EIF2AK2: variants seen among roughly 807,000 people sequenced by gnomAD.
EIF2AK2 encodes interferon-induced, double-stranded RNA-activated protein kinase.
Under a neutral mutation model 70.5 loss-of-function variants are expected in EIF2AK2, and 40 were observed. That is an observed-to-expected ratio of 0.57 (90% confidence interval 0.44 to 0.74). The LOEUF (loss-of-function observed/expected upper bound fraction) is 0.74. EIF2AK2 is among the 30% of genes least tolerant of loss of function. The pLI, the probability that EIF2AK2 is intolerant of heterozygous loss-of-function variation, is 0.00. For synonymous variants in EIF2AK2, 198 were observed against 220.9 expected (o/e 0.90, Z 0.92); for missense variants, 555 against 644.3 (o/e 0.86, Z 1.50).
rs767074260 is a variant in EIF2AK2 at position 37,126,385 on chromosome 2, T to C, written c.812A>G (p.Glu271Gly). 4 of 1,609,156 alleles carry C rather than the reference T, an allele frequency of 2.5e-6. No homozygotes were observed. The change falls in exon 11 of 17, where the codon GAA becomes GGA. Residue 271 changes from glutamate (E) to glycine (G), a missense_variant. By Grantham distance (98) the Glu-to-Gly change is moderately conservative. This residue lies in a region of EIF2AK2 where 299 missense variants were observed against 375.4 expected (regional missense o/e 0.80). Coordinates refer to ENST00000233057, the MANE Select transcript of EIF2AK2 (RefSeq NM_001135651.3). ...KRFGMDFKEI[E>G]LIGSGGFGQV... is the part of the protein sequence containing the mutation. ...GCCAAATCCACCTGAGCCAATTAAT[T>C]CTATTTCTTTAAAATCCATGCCAAA... is the stretch of plus-strand genomic sequence containing the variant.
rs187030190 is a variant in EIF2AK2, at chr2:37,144,931, G to C, written c.240+1922C>G. On this transcript the variant is annotated intron_variant, in intron 4 of 16. Coordinates refer to ENST00000233057, the MANE Select transcript of EIF2AK2 (RefSeq NM_001135651.3). ...AGACAGGGTCTCACTCTGTCACCCA[G>C]GCTGGAGTACAGTGGCACAATCATG... is the stretch of plus-strand genomic sequence containing the variant. Among the ~76,000 whole-genome samples, 633 of 152,044 alleles carry C rather than the reference G, an allele frequency of 4.2e-3. 6 individuals are homozygous for C. The highest frequency in any genetic ancestry group is 0.015 in the African/African-American group (604 of 41,454).
chr2:37,141,926 T>C (rs1660608797), intron 4 of EIF2AK2, among the ~76,000 whole-genome samples: 1 of 152,226 alleles, frequency 6.6e-6, no homozygotes, highest in Admixed American at 6.5e-5. Context: ...AGTCACTTTT[T>C]CTTGTTTGTC....
rs946631794 is a variant in EIF2AK2 at position 37,105,401 on chromosome 2, A to C, written c.*1872T>G. The C allele has an allele frequency of 6.6e-6, 1 of 152,192 alleles. No homozygotes were observed. Among genetic ancestry groups the C allele is most frequent in the African/African-American group, 2.4e-5 (1 of 41,408 alleles). 9.4% of individuals were successfully genotyped at this position (152,192 alleles called of 1,614,324 possible). A position where few individuals can be genotyped will look rare whatever the true frequency, so the allele number is the denominator to read the frequency against. ...GAGTTCTCAATCTATTAGTTCCCTCAAGAGCCGGTTATTTAAAAAGAGCCT... is the reference window on the plus strand; with the variant it reads ...GAGTTCTCAATCTATTAGTTCCCTCCAGAGCCGGTTATTTAAAAAGAGCCT... On this transcript the variant is annotated 3_prime_UTR_variant, in exon 17 of 17. Coordinates refer to ENST00000233057, the MANE Select transcript of EIF2AK2 (RefSeq NM_001135651.3).
intron 1 of EIF2AK2, among the ~76,000 whole-genome samples, chr2:37,152,383 G>C (rs1675773945): frequency 6.6e-6 from 1 of 152,120 alleles, no homozygotes; most frequent in South Asian, 2.1e-4. Flanking sequence ...CCAGGTTCAA[G>C]CAATTTTCCT....
intron 4 of EIF2AK2, 145 bp downstream of exon 4, chr2:37,146,708 A>G: frequency 4.1e-6 from 4 of 982,892 alleles, no homozygotes; most frequent in Non-Finnish European, 5.9e-6. Context: ...ATAGAAATGA[A>G]GATAGGGTGA....
chr2:37,150,500 T>C (rs1675704820), intron 1 of EIF2AK2, among the ~76,000 whole-genome samples: 1 of 152,196 alleles, frequency 6.6e-6, no homozygotes, highest in Non-Finnish European at 1.5e-5. Context: ...TTAAAGGTCA[T>C]GGAACAATCA....
At position 37,107,089 on chromosome 2, in the gene EIF2AK2, TA is replaced by T; in HGVS notation, c.*183del. 1.4e-6 allele frequency: 1 copy of T among 730,360 alleles called. No homozygotes were observed. Among genetic ancestry groups the T allele is most frequent in the Non-Finnish European group, 2.0e-6 (1 of 507,812 alleles). The allele number at this position is 730,360 out of a possible 1,614,324, so 45.2% of individuals were successfully genotyped here. A position where few individuals can be genotyped will look rare whatever the true frequency, so the allele number is the denominator to read the frequency against. ...AGATGAGCCAGGAAAAAGTAAAATGTAAGAATGTTTTTGAAGCAAAAAGAAG... is the reference window on the plus strand; with the variant it reads ...AGATGAGCCAGGAAAAAGTAAAATGTAGAATGTTTTTGAAGCAAAAAGAAG... On this transcript the variant is annotated 3_prime_UTR_variant, in exon 17 of 17. Transcript: ENST00000233057.
Position 37,102,646 on chromosome 2 carries a change from G to A in EIF2AK2, c.*4627C>T, listed in dbSNP as rs1252094539. 1 of 152,102 alleles carries A rather than the reference G, an allele frequency of 6.6e-6. No homozygotes were observed. The highest frequency in any genetic ancestry group is 1.5e-5 in the Non-Finnish European group (1 of 68,034). The allele number at this position is 152,102 out of a possible 1,614,324, so 9.4% of individuals were successfully genotyped here. ...ACACATATGTGCACACACACAGGAT[G>A]GCTTCATGGACATGCAACCTGTGCA... On this transcript the variant is annotated 3_prime_UTR_variant, in exon 17 of 17. Transcript: ENST00000233057.
chr2:37,135,525 G>A lies in EIF2AK2; in HGVS notation c.744C>T (p.Asp248=), dbSNP rs1675097300. 2 of 1,609,772 alleles carry A rather than the reference G, an allele frequency of 1.2e-6. No individual in the cohort carries two copies. The highest frequency in any genetic ancestry group is 1.3e-5 in the African/African-American group (1 of 74,640). ...KAKRSLAPRF[D]LPDMKETKYT... is the part of the protein sequence containing the mutation. ...ACTTTGTTTCTTTCATGTCAGGAAG[G>A]TCAAATCTGGGTGCCAAAGATCTAA... The change falls in exon 10 of 17, where the codon GAC becomes GAT. Residue 248 remains aspartate (D), a synonymous_variant. Transcript: ENST00000233057.
Position 37,120,153 on chromosome 2 carries a change from TC to T in EIF2AK2, c.1068-15del. On this transcript the variant is annotated splice_polypyrimidine_tract_variant and intron_variant, in intron 12 of 16. Transcript: ENST00000233057. ...TTAGTCTTTGACCTGGGTATAAAAT[TC>T]ACAGTATGTTAAAAGTAACAATAAA... 1 of 1,379,238 alleles carries T rather than the reference TC, an allele frequency of 7.3e-7. No individual in the cohort carries two copies. The highest frequency in any genetic ancestry group is 9.4e-7 in the Non-Finnish European group (1 of 1,058,870). 85.4% of individuals were successfully genotyped at this position (1,379,238 alleles called of 1,614,324 possible).
intron 7 of EIF2AK2, 27 bp from the exon 8 acceptor site, chr2:37,138,390 T>A: frequency 6.2e-7 from 1 of 1,605,620 alleles, no homozygotes; most frequent in African/African-American, 1.3e-5. Flanking sequence ...TAACTATTAG[T>A]TTATTAATTC....
intron 1 of EIF2AK2, among the ~76,000 whole-genome samples, chr2:37,156,237 C>A (rs996708235): frequency 3.9e-5 from 6 of 152,212 alleles, no homozygotes; most frequent in Non-Finnish European, 7.4e-5. Context: ...AGGAAGCCAG[C>A]GTGGCCGGAG....
At chr2:37,121,876 T>G (rs770040804) in intron 12 of EIF2AK2, among the ~76,000 whole-genome samples, 12 of 152,034 alleles carry the variant, frequency 7.9e-5, no homozygotes, top group Non-Finnish European at 1.5e-4. Context: ...CCTCAGGATT[T>G]TAGTGAGAGG....
At chr2:37,138,151 G>T in intron 8 of EIF2AK2, 119 bp downstream of exon 8, 4 of 612,822 alleles carry the variant, frequency 6.5e-6, no homozygotes, top group Non-Finnish European at 1.1e-5. Flanking sequence ...TTATCATTTA[G>T]TAAGAGTGCA....
At chr2:37,113,408 T>C (rs1463251844) in intron 14 of EIF2AK2, among the ~76,000 whole-genome samples, 1 of 150,594 alleles carries the variant, frequency 6.6e-6, no homozygotes, top group South Asian at 2.1e-4. Flanking sequence ...GGCAGGAGAA[T>C]TGCTTGAACC....
chr2:37,110,021 ATACACT>A (rs919658742), intron 14 of EIF2AK2, among the ~76,000 whole-genome samples: 5 of 152,054 alleles, frequency 3.3e-5, no homozygotes, highest in African/African-American at 1.2e-4. Flanking sequence ...ACGAAAAAAT[ATACACT>A]TAAGATCTGT....
At chr2:37,133,484 C>T (rs1436127066) in intron 10 of EIF2AK2, among the ~76,000 whole-genome samples, 1 of 152,156 alleles carries the variant, frequency 6.6e-6, no homozygotes, top group African/African-American at 2.4e-5. Flanking sequence ...CAATTCCCCC[C>T]TCACACCAAA....
rs756918470 is a variant in EIF2AK2, at chr2:37,122,572, G to A, written c.1001C>T (p.Pro334Leu). 4 of 1,614,144 alleles carry A rather than the reference G, an allele frequency of 2.5e-6. No homozygotes were observed. Among genetic ancestry groups the A allele is most frequent in the Admixed American group, 1.7e-5 (1 of 60,014 alleles). Reference sequence around the variant, plus strand: ...CTCAAGAGAATCATCACTGGTCTCAGGATCATAATCAAATCCATCCCAACA... The same window carrying A: ...CTCAAGAGAATCATCACTGGTCTCAAGATCATAATCAAATCCATCCCAACA... ...NGCWDGFDYD[P>L]ETSDDSLESS... The change falls in exon 12 of 17, where the codon CCT becomes CTT. Residue 334 changes from proline (P) to leucine (L), a missense_variant. By Grantham distance (98) the Pro-to-Leu change is moderately conservative. This residue lies in a region of EIF2AK2 where 299 missense variants were observed against 375.4 expected (regional missense o/e 0.80). Transcript: ENST00000233057.
At position 37,099,976 on chromosome 2, in the gene EIF2AK2, A is replaced by C. The variant is rs1180361194; in HGVS notation, c.*7297T>G. 2 of 152,216 alleles carry C rather than the reference A, an allele frequency of 1.3e-5. No individual in the cohort carries two copies. The highest frequency in any genetic ancestry group is 2.9e-5 in the Non-Finnish European group (2 of 68,052). 9.4% of individuals were successfully genotyped at this position (152,216 alleles called of 1,614,324 possible). Reference sequence around the variant, plus strand: ...GGAGAGTAGATTAGTGGTTACCTAGAGTTGTGAGAAAACAGAGTGAATACT... The same window carrying C: ...GGAGAGTAGATTAGTGGTTACCTAGCGTTGTGAGAAAACAGAGTGAATACT... On this transcript the variant is annotated 3_prime_UTR_variant, in exon 17 of 17. Transcript: ENST00000233057.
Sources: allele counts gnomAD v4.1 joint callset (sites outside exome capture counted in the v4.1 genomes callset), GRCh38; gene constraint gnomAD v4.1.1; regional missense constraint gnomAD v4.1.1; transcripts MANE v1.5; gene names NCBI Gene and HGNC (gene_info 2026-07-23, HGNC 2026-07-21).